ITPR1: variants seen among roughly 807,000 people sequenced by gnomAD.
ITPR1 encodes inositol 1,4,5-trisphosphate receptor type 1, also known as inositol 1,4,5-trisphosphate-gated calcium channel ITPR1.
A neutral mutation model predicts 318.4 loss-of-function variants in ITPR1; 96 were observed. The observed-to-expected ratio is 0.30, with a 90% CI of 0.26 to 0.36. The LOEUF is 0.36. Among genes scored for constraint, ITPR1 ranks in the 10% least tolerant of loss-of-function variants. The probability of loss-of-function intolerance (pLI) is 1.00; values close to 1 mark genes in which losing one functional copy is unlikely to be tolerated. For missense variants in ITPR1, 2,440 were observed against 3,460.2 expected, an observed-to-expected ratio of 0.71 and a Z score of 7.40; for synonymous variants, 1,312 against 1,289.9, an observed-to-expected ratio of 1.02 and a Z score of -0.37.
intron 25 of ITPR1, 70 bp downstream of exon 25, chr3:4,680,761 C>T (rs2094281824): frequency 7.4e-7 from 1 of 1,357,802 alleles, no homozygotes; most frequent in African/African-American, 1.5e-5. Context: ...GGAGAGCAAA[C>T]AGTATCTTCT....
chr3:4,584,298 T>C (rs2089656827), intron 4 of ITPR1, among the ~76,000 whole-genome samples: 1 of 152,118 alleles, frequency 6.6e-6, no homozygotes, highest in Admixed American at 6.6e-5. Flanking sequence ...AACTTATCCT[T>C]CTCTGGTTCC....
intron 51 of ITPR1, 67 bp from the exon 52 acceptor site, chr3:4,787,880 G>GT: frequency 8.8e-7 from 1 of 1,139,568 alleles, no homozygotes; most frequent in Non-Finnish European, 1.3e-6. Context: ...TCTACCACCA[G>GT]TAGCAAATAG....
chr3:4,684,956 A>G (rs1379658629), intron 29 of ITPR1, 113 bp from the exon 30 acceptor site: 1 of 1,037,960 alleles, frequency 9.6e-7, no homozygotes, highest in Non-Finnish European at 1.4e-6. Context: ...ATTTTGTTTT[A>G]CGTTTTTAAT....
At position 4,662,165 on chromosome 3, in the gene ITPR1, T is replaced by C. The variant is rs753539402; in HGVS notation, c.1335T>C (p.Phe445=). The change falls in exon 15 of 62, where the codon TTT becomes TTC. Residue 445 remains phenylalanine, a synonymous_variant. Coordinates refer to ENST00000649015, the MANE Select transcript of ITPR1 (RefSeq NM_001378452.1). ...CTGCTGAAGTTCGGGACCTGGACTT[T>C]GCCAATGATGCCAGCAAGGTGCTGG... ...VSPAEVRDLD[F]ANDASKVLGS... is the part of the protein sequence containing the mutation. 5.5e-5 allele frequency: 88 copies of C among 1,613,496 alleles called. No individual in the cohort carries two copies. Among genetic ancestry groups the C allele is most frequent in the Non-Finnish European group, 7.4e-5 (87 of 1,179,640 alleles).
intron 4 of ITPR1, among the ~76,000 whole-genome samples, chr3:4,585,594 G>C (rs918726437): frequency 6.6e-6 from 1 of 151,540 alleles, no homozygotes; most frequent in African/African-American, 2.4e-5. Context: ...GCACCACCAC[G>C]CCCGGCTAAT....
At position 4,710,387 on chromosome 3, in the gene ITPR1, C is replaced by T. The variant is rs762638398; in HGVS notation, c.4905C>T (p.Leu1635=). The stretch of plus-strand genomic sequence containing the variant: ...TGGTGCAGGCAGAGTTATCTGTGCT[C>T]GTGGATGTTCTCCACAGACCCGAGC... ...RPLVQAELSV[L]VDVLHRPELL... Residue 1635 remains leucine, a synonymous_variant, in exon 38 of 62, where the codon CTC becomes CTT. Coordinates refer to ENST00000649015, the MANE Select transcript of ITPR1 (RefSeq NM_001378452.1). This position sits in a 1 kb window ranked among gnomAD's most constrained non-coding sequence, Gnocchi z 4.2. The T allele has an allele frequency of 1.8e-5, 28 of 1,564,910 alleles. No individual in the cohort carries two copies. The highest frequency in any genetic ancestry group is 1.9e-5 in the Non-Finnish European group (22 of 1,153,768).
At chr3:4,835,459 G>A (rs370660320) in intron 60 of ITPR1, among the ~76,000 whole-genome samples, 2 of 152,184 alleles carry the variant, frequency 1.3e-5, no homozygotes, top group Non-Finnish European at 1.5e-5. Context: ...TAGCTGAGTA[G>A]TTGTGACAGA....
intron 4 of ITPR1, among the ~76,000 whole-genome samples, chr3:4,543,725 G>A (rs545810693): frequency 3.5e-4 from 53 of 152,342 alleles, no homozygotes; most frequent in African/African-American, 1.2e-3. Context: ...TTACAGGTGT[G>A]AGCCACCATG....
intron 4 of ITPR1, among the ~76,000 whole-genome samples, chr3:4,595,409 G>A (rs9861106): frequency 0.071 from 10,777 of 152,160 alleles, 531 homozygotes; most frequent in Middle Eastern, 0.11. Flanking sequence ...TCACAATAAC[G>A]GCACTAAGGT....
At chr3:4,646,666 G>T (rs2093465657) in intron 10 of ITPR1, among the ~76,000 whole-genome samples, 1 of 152,182 alleles carries the variant, frequency 6.6e-6, no homozygotes, top group Admixed American at 6.5e-5. Context: ...TCTGCCCACA[G>T]CATGTAATTT....
chr3:4,587,308 C>G (rs991908372), intron 4 of ITPR1, among the ~76,000 whole-genome samples: 3 of 125,680 alleles, frequency 2.4e-5, no homozygotes, highest in African/African-American at 9.4e-5. Context: ...GAATCTTGGT[C>G]TGTTGCCCAG....
intron 48 of ITPR1, among the ~76,000 whole-genome samples, chr3:4,778,172 A>G (rs1005746576): frequency 6.6e-6 from 1 of 152,192 alleles, no homozygotes; most frequent in Non-Finnish European, 1.5e-5. Flanking sequence ...CCTCCCTTCT[A>G]TGTAGGGGTT....
intron 54 of ITPR1, among the ~76,000 whole-genome samples, chr3:4,805,324 C>T (rs1435976988): frequency 1.3e-5 from 2 of 152,044 alleles, no homozygotes; most frequent in Non-Finnish European, 2.9e-5. Context: ...GGTTCAAGGT[C>T]AGTGGGAAAG....
At chr3:4,615,367 T>C (rs2092343737) in intron 4 of ITPR1, among the ~76,000 whole-genome samples, 1 of 137,818 alleles carries the variant, frequency 7.3e-6, no homozygotes, top group Admixed American at 6.9e-5. Flanking sequence ...TCCAACTGAT[T>C]TCTTTCTTTT....
intron 52 of ITPR1, among the ~76,000 whole-genome samples, chr3:4,790,909 G>C (rs2047514169): frequency 6.6e-6 from 1 of 152,098 alleles, no homozygotes; most frequent in Admixed American, 6.6e-5. Flanking sequence ...ATCCCTCCCT[G>C]ATATCCTTTC....
chr3:4,678,789 G>T (rs2094237994), intron 24 of ITPR1, among the ~76,000 whole-genome samples: 1 of 152,180 alleles, frequency 6.6e-6, no homozygotes, highest in Non-Finnish European at 1.5e-5. Flanking sequence ...GGATGGAGCA[G>T]CCTGAAGCCG....
chr3:4,551,351 G>A (rs1047060505), intron 4 of ITPR1, among the ~76,000 whole-genome samples: 6 of 152,156 alleles, frequency 3.9e-5, no homozygotes, highest in Non-Finnish European at 8.8e-5. Context: ...CTCACTTTTG[G>A]TGCTGAGATT....
At chr3:4,736,796 G>C (rs1181128502) in intron 44 of ITPR1, among the ~76,000 whole-genome samples, 1 of 152,218 alleles carries the variant, frequency 6.6e-6, no homozygotes, top group Non-Finnish European at 1.5e-5. Context: ...CCTTGTCTTA[G>C]AACCACATGA....
At chr3:4,567,723 T>C (rs187450783) in intron 4 of ITPR1, among the ~76,000 whole-genome samples, 5 of 152,244 alleles carry the variant, frequency 3.3e-5, no homozygotes, top group African/African-American at 9.6e-5. Context: ...CACCTCAGCC[T>C]CACGAGTAGC....
Sources: allele counts gnomAD v4.1 joint callset (sites outside exome capture counted in the v4.1 genomes callset), GRCh38; gene constraint gnomAD v4.1.1; non-coding constraint Gnocchi (gnomAD v3.1); transcripts MANE v1.5; gene names NCBI Gene and HGNC (gene_info 2026-07-23, HGNC 2026-07-21).